The following GYG2 variants were observed in gnomAD, a reference collection of about 807,000 sequenced individuals.
The protein encoded by GYG2 is glycogenin-2.
GYG2 carries 29 observed loss-of-function variants against 29.4 expected under a neutral mutation model. The observed-to-expected ratio is 0.99, with a 90% CI of 0.74 to 1.35. The LOEUF (loss-of-function observed/expected upper bound fraction) is 1.35. Among genes scored for constraint, GYG2 ranks in the 40% most tolerant of loss-of-function variants. The pLI, the probability that GYG2 is intolerant of heterozygous loss-of-function variation, is 0.00. For missense variants in GYG2, 370 were observed against 385.7 expected, an observed-to-expected ratio of 0.96 and a Z score of 0.34; for synonymous variants, 167 against 172.3, an observed-to-expected ratio of 0.97 and a Z score of 0.24.
chrX:2,861,785 G>T, intron 8 of GYG2, 63 bp downstream of exon 8: 1 of 896,149 alleles, frequency 1.1e-6, no homozygotes. Flanking sequence ...AGAGAGCAGA[G>T]AGAGCCGGCT....
chrX:2,876,746 A>G (rs1449876527), intron 9 of GYG2, among the ~76,000 whole-genome samples: 1 of 109,501 alleles, frequency 9.1e-6, no homozygotes, highest in Non-Finnish European at 1.9e-5. Flanking sequence ...CAGGAGATCG[A>G]GACCATCCTG....
intron 2 of GYG2, among the ~76,000 whole-genome samples, chrX:2,841,727 C>T (rs2087506139): frequency 2.7e-5 from 3 of 111,632 alleles, no homozygotes; most frequent in Admixed American, 1.9e-4. Context: ...TGTGGGTTGG[C>T]TTTGCTTGGA....
At chrX:2,856,785 T>A (rs867250010) in intron 6 of GYG2, among the ~76,000 whole-genome samples, 161 bp downstream of exon 6, 3 of 72,636 alleles carry the variant, frequency 4.1e-5, no homozygotes, top group Non-Finnish European at 8.5e-5. Flanking sequence ...TCTATCTATC[T>A]ATCATCTATC....
At chrX:2,850,030 T>A (rs1224359444) in intron 3 of GYG2, among the ~76,000 whole-genome samples, 2 of 111,044 alleles carry the variant, frequency 1.8e-5, no homozygotes, top group Non-Finnish European at 3.8e-5. Flanking sequence ...GGCGGGAGGA[T>A]CACTGGAGCC....
intron 10 of GYG2, among the ~76,000 whole-genome samples, chrX:2,879,824 G>A (rs1338763134): frequency 9.0e-6 from 1 of 111,362 alleles, no homozygotes; most frequent in Non-Finnish European, 1.9e-5. Context: ...AGATAGGTAG[G>A]TAGAGATCAT....
intron 8 of GYG2, among the ~76,000 whole-genome samples, chrX:2,863,356 GA>G (rs911568339): frequency 1.8e-5 from 2 of 111,512 alleles, no homozygotes; most frequent in African/African-American, 6.5e-5. Flanking sequence ...TTACAGGCGT[GA>G]ACCACCACGC....
chrX:2,864,050 C>T (rs773892328), intron 8 of GYG2, among the ~76,000 whole-genome samples: 1 of 111,843 alleles, frequency 8.9e-6, no homozygotes, highest in East Asian at 2.8e-4. Context: ...CACCTTAAGG[C>T]CAATAAAGGG....
At chrX:2,830,766 T>C (rs1228272639) in intron 2 of GYG2, among the ~76,000 whole-genome samples, 1 of 110,688 alleles carries the variant, frequency 9.0e-6, no homozygotes, top group Non-Finnish European at 1.9e-5. Context: ...AGGAAAAAAA[T>C]TTAAAAATCA....
In GYG2 at chrX:2,830,468, C is replaced by A. The variant is rs149316645; in HGVS notation, c.7+273C>A. Among the ~76,000 whole-genome samples the A allele has an allele frequency of 1.0e-2, 1,116 of 112,155 alleles. 17 individuals are homozygous for A. The highest frequency in any genetic ancestry group is 0.034 in the African/African-American group (1,040 of 30,839). On this transcript the variant is annotated intron_variant, in intron 2 of 10. Coordinates refer to ENST00000398806, the MANE Select transcript of GYG2 (RefSeq NM_001079855.2). ...ATATAGTCCTGAAACTTTCAATGGG[C>A]TTGTTTCTTGGGAATAGCATTGAAC...
At chrX:2,858,662 A>T (rs2088082331) in intron 6 of GYG2, among the ~76,000 whole-genome samples, 2 of 111,749 alleles carry the variant, frequency 1.8e-5, no homozygotes, top group Admixed American at 1.9e-4. Flanking sequence ...CGGTGTCCCT[A>T]AGGAAGAGAA....
rs768720639 is a variant in GYG2 at position 2,873,699 on chromosome X, C to T, written c.1039-2111C>T. Among the ~76,000 whole-genome samples, 6 of 111,430 alleles carry T rather than the reference C, an allele frequency of 5.4e-5. No homozygotes were observed. The South Asian group carries it at 2.3e-3, about 42-fold the overall frequency. ...TATTTATCTTGTGTAACTAAAACTTCATATTCATTCCTTCACCAACATGTC... is the reference window on the plus strand; with the variant it reads ...TATTTATCTTGTGTAACTAAAACTTTATATTCATTCCTTCACCAACATGTC... On this transcript the variant is annotated intron_variant, in intron 8 of 10. Transcript: ENST00000398806.
In GYG2 at chrX:2,856,760, C is replaced by G. The variant is rs192972353; in HGVS notation, c.614+136C>G. ...ATCATCTATCTATCTATGTATCTAT[C>G]TATCTATCTATCTATCTATCTATCT... On this transcript the variant is annotated intron_variant, in intron 6 of 10. Transcript: ENST00000398806. The G allele has an allele frequency of 2.2e-4, 83 of 372,022 alleles. No individual in the cohort carries two copies. In the East Asian group the frequency reaches 3.1e-3, roughly 14 times the overall value. The allele number at this position is 372,022 out of a possible 1,213,427, so 30.7% of individuals were successfully genotyped here. A position where few individuals can be genotyped will look rare whatever the true frequency, so the allele number is the denominator to read the frequency against.
intron 10 of GYG2, among the ~76,000 whole-genome samples, chrX:2,878,785 T>C (rs1414947721): frequency 8.9e-6 from 1 of 112,516 alleles, no homozygotes; most frequent in African/African-American, 3.2e-5. Flanking sequence ...GAACTTTATT[T>C]AGTATCTTGT....
intron 6 of GYG2, among the ~76,000 whole-genome samples, chrX:2,856,914 T>C (rs1290405390): frequency 2.7e-5 from 3 of 110,022 alleles, no homozygotes; most frequent in Non-Finnish European, 5.7e-5. Context: ...TCTATATAGA[T>C]ATATATCTGT....
chrX:2,846,813 TAGAA>T (rs201001157), intron 3 of GYG2, among the ~76,000 whole-genome samples: 14,859 of 111,378 alleles, frequency 0.13, 788 homozygotes, highest in South Asian at 0.28. Context: ...AAATTGAAAT[TAGAA>T]AGAAGTCATT....
chrX:2,844,871 C>T (rs1347852207), intron 3 of GYG2, among the ~76,000 whole-genome samples: 3 of 105,663 alleles, frequency 2.8e-5, no homozygotes, highest in Non-Finnish European at 3.9e-5. Flanking sequence ...TACAGGTATG[C>T]GTATATACAC....
intron 2 of GYG2, among the ~76,000 whole-genome samples, chrX:2,834,679 A>T (rs192430473): frequency 8.9e-6 from 1 of 112,008 alleles, no homozygotes; most frequent in East Asian, 2.8e-4. Context: ...CACTGAGAGC[A>T]CGTCATTAGG....
intron 9 of GYG2, 127 bp downstream of exon 9, chrX:2,876,041 T>TC (rs1391023852): frequency 1.8e-5 from 2 of 112,001 alleles, no homozygotes; most frequent in African/African-American, 1.1e-4. Flanking sequence ...CCCTTTTTTT[T>TC]TTTTTTTTTT....
intron 7 of GYG2, among the ~76,000 whole-genome samples, chrX:2,860,392 C>T (rs2316285): frequency 9.1e-6 from 1 of 109,422 alleles, no homozygotes; most frequent in African/African-American, 3.3e-5. Flanking sequence ...CGGGTCAACA[C>T]TTTCCACTTG....
Sources: allele counts gnomAD v4.1 joint callset (sites outside exome capture counted in the v4.1 genomes callset), GRCh38; gene constraint gnomAD v4.1.1; transcripts MANE v1.5; gene names NCBI Gene and HGNC (gene_info 2026-07-23, HGNC 2026-07-21).